Variants in SCMH1 observed in about 807,000 individuals in gnomAD.
SCMH1 encodes the protein polycomb protein SCMH1.
SCMH1 carries 37 observed loss-of-function variants against 70.8 expected under a neutral mutation model. The observed-to-expected ratio is 0.52, with a 90% confidence interval of 0.40 to 0.69. The LOEUF (loss-of-function observed/expected upper bound fraction) is 0.69. SCMH1 is among the 30% of genes least tolerant of loss of function. SCMH1 has a pLI of 0.00. For synonymous variants in SCMH1, 292 were observed against 307.4 expected (o/e 0.95, Z 0.52); for missense variants, 607 against 827.3 (o/e 0.73, Z 3.27).
At chr1:41,177,123 C>A (rs1234981674) in intron 2 of SCMH1, among the ~76,000 whole-genome samples, 1 of 152,222 alleles carries the variant, frequency 6.6e-6, no homozygotes, top group African/African-American at 2.4e-5. Flanking sequence ...GATACCCAGG[C>A]AAACAGGGTC....
At chr1:41,109,937 G>GA (rs372175942) in intron 8 of SCMH1, among the ~76,000 whole-genome samples, 40 of 152,198 alleles carry the variant, frequency 2.6e-4, no homozygotes, top group African/African-American at 9.4e-4. Context: ...ATGAAAATGA[G>GA]AAAATCAACC....
chr1:41,100,130 G>A (rs908812684), intron 8 of SCMH1, among the ~76,000 whole-genome samples: 4 of 152,050 alleles, frequency 2.6e-5, no homozygotes, highest in Non-Finnish European at 1.5e-5. Flanking sequence ...AGCAAATACT[G>A]TATTTCCCTA....
intron 7 of SCMH1, among the ~76,000 whole-genome samples, chr1:41,114,923 A>C (rs1482738092): frequency 6.6e-6 from 1 of 151,992 alleles, no homozygotes; most frequent in Non-Finnish European, 1.5e-5. Context: ...AGTGATCCGT[A>C]TGCCTTGGCC....
chr1:41,180,740 A>T (rs971664393), intron 2 of SCMH1, among the ~76,000 whole-genome samples: 28 of 152,222 alleles, frequency 1.8e-4, no homozygotes, highest in African/African-American at 6.0e-4. Flanking sequence ...CATGGGTAGG[A>T]AGAATCAATA....
intron 6 of SCMH1, among the ~76,000 whole-genome samples, chr1:41,141,272 G>T (rs974124107): frequency 1.3e-5 from 2 of 152,178 alleles, no homozygotes; most frequent in African/African-American, 4.8e-5. Flanking sequence ...TGTAAATCAA[G>T]TTTTATTAGA....
chr1:41,068,133 T>C (rs1303669081), intron 10 of SCMH1, among the ~76,000 whole-genome samples: 1 of 152,192 alleles, frequency 6.6e-6, no homozygotes, highest in African/African-American at 2.4e-5. Context: ...ATTTTGCAGG[T>C]CTGGTGTTTC....
chr1:41,148,451 T>G (rs1170380736), intron 5 of SCMH1, among the ~76,000 whole-genome samples: 1 of 152,200 alleles, frequency 6.6e-6, no homozygotes, highest in Non-Finnish European at 1.5e-5. Flanking sequence ...ATGAATTCCT[T>G]CAGCTTTTGT....
At chr1:41,064,814 T>C (rs930551434) in intron 10 of SCMH1, among the ~76,000 whole-genome samples, 13 of 152,012 alleles carry the variant, frequency 8.6e-5, no homozygotes, top group African/African-American at 3.1e-4. Context: ...AGCTACCCAG[T>C]TGAGGCAGGA....
At chr1:41,104,184 A>G (rs1033352868) in intron 8 of SCMH1, among the ~76,000 whole-genome samples, 1 of 152,156 alleles carries the variant, frequency 6.6e-6, no homozygotes, top group African/African-American at 2.4e-5. Context: ...CAATCATTCA[A>G]TCAACTGGGG....
intron 9 of SCMH1, among the ~76,000 whole-genome samples, chr1:41,071,671 C>CT (rs11374978): frequency 0.54 from 80,624 of 150,578 alleles, 23,267 homozygotes; most frequent in African/African-American, 0.77. Context: ...TCCTAAAAGC[C>CT]TTTTTTTTTG....
intron 2 of SCMH1, among the ~76,000 whole-genome samples, chr1:41,177,025 G>C (rs991768491): frequency 6.6e-6 from 1 of 151,846 alleles, no homozygotes; most frequent in South Asian, 2.1e-4. Flanking sequence ...CACCTCACAC[G>C]GCCCTCTGAG....
At chr1:41,034,240 TG>T (rs1644964055) in intron 13 of SCMH1, among the ~76,000 whole-genome samples, 192 bp from the exon 14 acceptor site, 1 of 50,918 alleles carries the variant, frequency 2.0e-5, no homozygotes, top group Non-Finnish European at 3.8e-5. Context: ...CTGCTCGGGT[TG>T]GGGTGGGGGG....
At chr1:41,053,203 G>C (rs1322156848) in intron 10 of SCMH1, among the ~76,000 whole-genome samples, 1 of 151,652 alleles carries the variant, frequency 6.6e-6, no homozygotes, top group South Asian at 2.1e-4. Context: ...CTTAAGATCT[G>C]TACATTTCAC....
chr1:41,179,237 T>C (rs887042882), intron 2 of SCMH1, among the ~76,000 whole-genome samples: 3 of 149,418 alleles, frequency 2.0e-5, no homozygotes, highest in African/African-American at 4.9e-5. Flanking sequence ...TTCAAAGCAG[T>C]GTGTAGAGGG....
chr1:41,100,559 T>TTCTG, intron 8 of SCMH1, among the ~76,000 whole-genome samples: 1 of 149,444 alleles, frequency 6.7e-6, no homozygotes, highest in Non-Finnish European at 1.5e-5. Flanking sequence ...GCCTTTTCTT[T>TTCTG]TCTTTTTCTT....
intron 8 of SCMH1, among the ~76,000 whole-genome samples, chr1:41,086,160 A>G (rs1271249300): frequency 6.6e-6 from 1 of 152,170 alleles, no homozygotes; most frequent in Non-Finnish European, 1.5e-5. Context: ...AATGTACTAC[A>G]AAAATTTTAA....
At chr1:41,100,574 T>C (rs1208934623) in intron 8 of SCMH1, among the ~76,000 whole-genome samples, 2 of 150,948 alleles carry the variant, frequency 1.3e-5, no homozygotes, top group African/African-American at 4.9e-5. Context: ...TTTCTTTTTT[T>C]TTTTTTTTTG....
chr1:41,199,336 G>C (rs184399721), intron 1 of SCMH1, among the ~76,000 whole-genome samples: 2 of 152,202 alleles, frequency 1.3e-5, no homozygotes, highest in African/African-American at 2.4e-5. Flanking sequence ...CCATTGTCTT[G>C]ACTTCTATCA....
At chr1:41,203,542 T>G (rs1356204794) in intron 1 of SCMH1, among the ~76,000 whole-genome samples, 1 of 152,222 alleles carries the variant, frequency 6.6e-6, no homozygotes, top group Admixed American at 6.5e-5. Flanking sequence ...AATCTGGTCA[T>G]AAACTGGTCC....
Sources: allele counts gnomAD v4.1 joint callset (sites outside exome capture counted in the v4.1 genomes callset), GRCh38; gene constraint gnomAD v4.1.1; transcripts MANE v1.5; gene names NCBI Gene and HGNC (gene_info 2026-07-23, HGNC 2026-07-21).